SLC12A4: variants seen among roughly 807,000 people sequenced by gnomAD.
SLC12A4 encodes electroneutral potassium-chloride cotransporter 1.
A neutral mutation model predicts 119.2 loss-of-function variants in SLC12A4; 84 were observed. That is an observed-to-expected ratio of 0.70 (90% CI 0.59 to 0.85). The LOEUF (loss-of-function observed/expected upper bound fraction) is 0.85, where lower values mean the gene tolerates loss of function less well. Among genes scored for constraint, SLC12A4 ranks in the 40% least tolerant of loss-of-function variants. The probability of loss-of-function intolerance (pLI) is 0.00; values close to 1 mark genes in which losing one functional copy is unlikely to be tolerated. For missense variants in SLC12A4, 1,298 were observed against 1,476.3 expected (o/e 0.88, Z 1.98); for synonymous variants, 599 against 604.6 (o/e 0.99, Z 0.14).
chr16:67,968,691 C>T (rs528559421), upstream of SLC12A4: 6 of 1,247,856 alleles, frequency 4.8e-6, no homozygotes, highest in East Asian at 1.4e-4. Context: ...GCCCGCCCCC[C>T]GGGCCGCCCC....
At chr16:67,948,595 C>A in intron 13 of SLC12A4, among the ~76,000 whole-genome samples, 1 of 152,208 alleles carries the variant, frequency 6.6e-6, no homozygotes, top group East Asian at 1.9e-4. Context: ...AGAGTCACTG[C>A]GGTGGGCGTG....
In SLC12A4 at chr16:67,947,426, C is replaced by T. The variant is rs149909715; in HGVS notation, c.1977G>A (p.Lys659=). ...GGCCTCGGATCCCGTCACCCCACTCCTTCTCAGCCCTGCAGATTCCACCAC... is the reference window on the plus strand; with the variant it reads ...GGCCTCGGATCCCGTCACCCCACTCTTTCTCAGCCCTGCAGATTCCACCAC... ...YKYIEYQGAE[K]EWGDGIRGLS... The change falls in exon 16 of 24, where the codon AAG becomes AAA. Residue 659 remains lysine, a synonymous_variant. Transcript: ENST00000316341. The T allele has an allele frequency of 2.0e-5, 33 of 1,612,044 alleles. No individual in the cohort carries two copies. The African/African-American group carries it at 3.9e-4, about 19-fold the overall frequency.
rs1426292197 is a variant in SLC12A4 at position 67,944,795 on chromosome 16, G to T, written c.*45C>A. 8.1e-6 allele frequency: 13 copies of T among 1,604,748 alleles called. No individual in the cohort carries two copies. Among genetic ancestry groups the T allele is most frequent in the Non-Finnish European group, 1.0e-5 (12 of 1,177,330 alleles). On this transcript the variant is annotated 3_prime_UTR_variant, in exon 24 of 24. Transcript: ENST00000316341. This position sits in a 1 kb window ranked among gnomAD's most constrained non-coding sequence, Gnocchi z 6.6. Reference sequence around the variant, plus strand: ...GTTACCCCAGACCACAGCTTGTTATGTCCTGGCCAAGACCTCGACTCCAGG... The same window carrying T: ...GTTACCCCAGACCACAGCTTGTTATTTCCTGGCCAAGACCTCGACTCCAGG...
Position 67,950,167 on chromosome 16 carries a change from C to T in SLC12A4, c.1629+152G>A. On this transcript the variant is annotated intron_variant, in intron 12 of 23. Transcript: ENST00000316341. The surrounding 1 kb of genome is among the most constrained non-coding windows in gnomAD (Gnocchi z 4.3). ...TCCAGGCCCAGGTGAGTGCCAGGCC[C>T]AGGGCACTTCTCAGTAGCTCCTCAT... The T allele has an allele frequency of 1.1e-6, 1 of 914,286 alleles. No homozygotes were observed. Among genetic ancestry groups the T allele is most frequent in the Non-Finnish European group, 1.6e-6 (1 of 615,626 alleles). The allele number at this position is 914,286 out of a possible 1,614,324, so 56.6% of individuals were successfully genotyped here.
At position 67,949,809 on chromosome 16, in the gene SLC12A4, A is replaced by G; in HGVS notation, c.1739T>C (p.Ile580Thr). Reference sequence around the variant, plus strand: ...CCCGGCCCCAGCTCACATGGATAAGATGGGGGCCACCATGTCGAGGGAGGC... The same window carrying G: ...CCCGGCCCCAGCTCACATGGATAAGGTGGGGGCCACCATGTCGAGGGAGGC... ...LIASLDMVAP[I>T]LSMFFLMCYL... Residue 580 changes from isoleucine to threonine, a missense_variant, in exon 13 of 24, where the codon ATC becomes ACC. Ile to Thr is a moderately conservative substitution (Grantham distance 89, BLOSUM62 -1). Coordinates refer to ENST00000316341, the MANE Select transcript of SLC12A4 (RefSeq NM_005072.5). This position sits in a 1 kb window ranked among gnomAD's most constrained non-coding sequence, Gnocchi z 4.6. 1 of 1,607,892 alleles carries G rather than the reference A, an allele frequency of 6.2e-7. No individual in the cohort carries two copies. The highest frequency in any genetic ancestry group is 8.5e-7 in the Non-Finnish European group (1 of 1,176,370).
rs745493426 is a variant in SLC12A4, at chr16:67,945,116, G to C, written c.3137C>G (p.Pro1046Arg). ...CTCGTCGCCCTCACTGTTCCTGGGT[G>C]GGCCAGGCATGTTTAGGAGAACCAG... The part of the protein sequence containing the change: ...ARLVLLNMPG[P>R]PRNSEGDENY... Residue 1046 changes from proline (P) to arginine (R), a missense_variant, in exon 23 of 24, where the codon CCA becomes CGA. By Grantham distance (103) the Pro-to-Arg change is moderately radical. Coordinates refer to ENST00000316341, the MANE Select transcript of SLC12A4 (RefSeq NM_005072.5). The C allele has an allele frequency of 6.3e-7, 1 of 1,593,766 alleles. No homozygotes were observed. The highest frequency in any genetic ancestry group is 8.6e-7 in the Non-Finnish European group (1 of 1,168,526).
Position 67,948,049 on chromosome 16 carries a change from G to A in SLC12A4, c.1847+12C>T, listed in dbSNP as rs780260051. 16 of 1,612,436 alleles carry A rather than the reference G, an allele frequency of 9.9e-6. No homozygotes were observed. The highest frequency in any genetic ancestry group is 1.1e-5 in the Non-Finnish European group (13 of 1,179,506). On this transcript the variant is annotated intron_variant, in intron 14 of 23. Transcript: ENST00000316341. ...CCTCCCCAGGGTCTCCCGTGTCAGA[G>A]GCATGGCTCACCAGTGATAGTACTT... is the stretch of plus-strand genomic sequence containing the variant.
chr16:67,958,176 A>G (rs2151334687), intron 3 of SLC12A4, 132 bp from the exon 4 acceptor site: 1 of 831,658 alleles, frequency 1.2e-6, no homozygotes, highest in Middle Eastern at 3.3e-4. Flanking sequence ...GGTGACAGCT[A>G]GGATGTCTCT....
chr16:67,954,216 T>C, intron 6 of SLC12A4: 1 of 349,712 alleles, frequency 2.9e-6, no homozygotes, highest in Non-Finnish European at 5.7e-6. Flanking sequence ...TGTGGCTGCT[T>C]ACCCTGATTG....
chr16:67,946,654 G>A (rs1402340696), intron 17 of SLC12A4, 21 bp from the exon 18 acceptor site: 9 of 1,591,888 alleles, frequency 5.7e-6, no homozygotes, highest in Middle Eastern at 1.7e-4. Context: ...CACACCCAGG[G>A]CCAATGGGAG....
chr16:67,946,903 G>A, intron 17 of SLC12A4, 34 bp downstream of exon 17: 1 of 1,603,992 alleles, frequency 6.2e-7, no homozygotes, highest in African/African-American at 1.3e-5. Context: ...GACCCCTGTA[G>A]TCTGGCTCAG....
intron 1 of SLC12A4, 53 bp downstream of exon 1, chr16:67,968,386 C>A (rs772160307): frequency 1.3e-5 from 19 of 1,475,114 alleles, no homozygotes; most frequent in Non-Finnish European, 1.7e-5. Flanking sequence ...GGATGGCGGC[C>A]CCGGGTGGCA....
rs781573103 is a variant in SLC12A4, at chr16:67,946,069, C to G, written c.2621G>C (p.Cys874Ser). Residue 874 changes from cysteine (C) to serine (S), a missense_variant, in exon 20 of 24, where the codon TGC (cysteine) becomes TCC (serine). Physicochemically the swap from Cys to Ser is moderately radical, Grantham distance 112. Transcript: ENST00000316341. ...LLRQHKVWRK[C>S]RMRIFTVAQM... Reference sequence around the variant, plus strand: ...GGCCACTGTGAAGATGCGCATCCGGCACTTCCTCCAGACCTGAGGCAAGGG... The same window carrying G: ...GGCCACTGTGAAGATGCGCATCCGGGACTTCCTCCAGACCTGAGGCAAGGG... The G allele has an allele frequency of 1.2e-6, 2 of 1,613,880 alleles. No homozygotes were observed. Among genetic ancestry groups the G allele is most frequent in the Non-Finnish European group, 1.7e-6 (2 of 1,179,910 alleles).
intron 5 of SLC12A4, 167 bp downstream of exon 5, chr16:67,957,574 CT>C (rs1308213386): frequency 1.4e-6 from 1 of 692,576 alleles, no homozygotes; most frequent in East Asian, 2.7e-5. Context: ...CACTCTCCAA[CT>C]CTGTCAAGCA....
chr16:67,955,242 G>A (rs867203404), intron 5 of SLC12A4, among the ~76,000 whole-genome samples: 16 of 152,242 alleles, frequency 1.1e-4, no homozygotes, highest in African/African-American at 3.1e-4. Context: ...AGTGTCCACG[G>A]CTCCCTGCCC....
In SLC12A4 at chr16:67,945,982, C is replaced by T. The variant is rs750495285; in HGVS notation, c.2708G>A (p.Arg903His). The T allele has an allele frequency of 3.7e-6, 6 of 1,613,982 alleles. No homozygotes were observed. The highest frequency in any genetic ancestry group is 5.1e-6 in the Non-Finnish European group (6 of 1,179,936). ...CACCACCTCCACCTCGGCCTCAAGGCGCAGATGGTACAGAAAGACAGCCAG... is the reference window on the plus strand; with the variant it reads ...CACCACCTCCACCTCGGCCTCAAGGTGCAGATGGTACAGAAAGACAGCCAG... ...KDLAVFLYHL[R>H]LEAEVEVVEM... Residue 903 changes from arginine to histidine, a missense_variant, in exon 20 of 24, where the codon CGC becomes CAC. Arg to His is a conservative substitution (Grantham distance 29, BLOSUM62 0). Transcript: ENST00000316341.
Position 67,950,725 on chromosome 16 carries a change from A to C in SLC12A4, c.1397-14T>G, listed in dbSNP as rs1404670164. 1 of 1,601,866 alleles carries C rather than the reference A, an allele frequency of 6.2e-7. No individual in the cohort carries two copies. ...CACTGCTGAAGTCTGCGGCGGCGTC[A>C]AGGAAAACTCGGCCTCTGCCACCCC... On this transcript the variant is annotated splice_polypyrimidine_tract_variant and intron_variant, in intron 10 of 23. Transcript: ENST00000316341. The surrounding 1 kb of genome is among the most constrained non-coding windows in gnomAD (Gnocchi z 4.3).
At position 67,950,916 on chromosome 16, in the gene SLC12A4, G is replaced by A. The variant is rs759134445; in HGVS notation, c.1396+46C>T. 3 of 1,591,614 alleles carry A rather than the reference G, an allele frequency of 1.9e-6. No individual in the cohort carries two copies. The highest frequency in any genetic ancestry group is 1.7e-5 in the Admixed American group (1 of 59,764). On this transcript the variant is annotated intron_variant, in intron 10 of 23. Coordinates refer to ENST00000316341, the MANE Select transcript of SLC12A4 (RefSeq NM_005072.5). The surrounding 1 kb of genome is among the most constrained non-coding windows in gnomAD (Gnocchi z 4.3). ...ACCTGGCAACGTACACAGGCCAAGCGCTTCCCGTCCTCTGCCCCACCTGCC... is the reference window on the plus strand; with the variant it reads ...ACCTGGCAACGTACACAGGCCAAGCACTTCCCGTCCTCTGCCCCACCTGCC...
chr16:67,968,410 C>G, intron 1 of SLC12A4, 29 bp downstream of exon 1: 2 of 1,541,112 alleles, frequency 1.3e-6, no homozygotes, highest in Non-Finnish European at 1.7e-6. Flanking sequence ...CCCGCTGCCC[C>G]GCCACGGCCC....
Sources: gnomAD v4.1 joint callset for allele counts (sites outside exome capture counted in the v4.1 genomes callset) on GRCh38, gnomAD v4.1.1 for gene constraint, Gnocchi (gnomAD v3.1) non-coding constraint, MANE v1.5 for transcripts, NCBI Gene and HGNC (gene_info 2026-07-23, HGNC 2026-07-21) for gene names.